PCLO: variants seen among roughly 807,000 people sequenced by gnomAD.
The protein encoded by PCLO is piccolo presynaptic cytomatrix protein, also known as protein piccolo.
PCLO carries 82 observed loss-of-function variants against 427.5 expected under a neutral mutation model. The ratio of observed to expected loss-of-function variants is 0.19; its 90% CI spans 0.16 to 0.23. The LOEUF (loss-of-function observed/expected upper bound fraction) is 0.23. Among genes scored for constraint, PCLO ranks in the 10% least tolerant of loss-of-function variants. PCLO has a pLI of 1.00. For synonymous variants in PCLO, 2,357 were observed against 2,155.4 expected (o/e 1.09, Z -2.59); for missense variants, 6,239 against 6,115.9 (o/e 1.02, Z -0.67).
intron 3 of PCLO, among the ~76,000 whole-genome samples, chr7:83,004,518 A>G (rs1219126864): frequency 1.3e-5 from 2 of 151,762 alleles, no homozygotes; most frequent in Admixed American, 1.3e-4. Flanking sequence ...GCAACTCAAG[A>G]TGGATTAAAG....
intron 2 of PCLO, among the ~76,000 whole-genome samples, chr7:83,144,395 T>TGCA (rs2116648208): frequency 6.6e-6 from 1 of 152,186 alleles, no homozygotes; most frequent in Non-Finnish European, 1.5e-5. Context: ...CACTCCAGCC[T>TGCA]GCACAACGAG....
At chr7:82,867,244 T>A (rs1247306346) in intron 10 of PCLO, among the ~76,000 whole-genome samples, 1 of 152,106 alleles carries the variant, frequency 6.6e-6, no homozygotes, top group Non-Finnish European at 1.5e-5. Flanking sequence ...CTACAAAAAA[T>A]TTAAAAGAAT....
At chr7:83,080,439 G>C (rs1345621397) in intron 3 of PCLO, among the ~76,000 whole-genome samples, 1 of 151,992 alleles carries the variant, frequency 6.6e-6, no homozygotes, top group Non-Finnish European at 1.5e-5. Context: ...ATGTCATTGT[G>C]GTTTCAATTT....
At chr7:82,868,355 C>T (rs1339719994) in intron 10 of PCLO, among the ~76,000 whole-genome samples, 1 of 152,108 alleles carries the variant, frequency 6.6e-6, no homozygotes, top group Non-Finnish European at 1.5e-5. Flanking sequence ...ATTCCAGAGG[C>T]CAACTTCTAA....
chr7:83,096,884 T>TA (rs1440595602), intron 3 of PCLO, among the ~76,000 whole-genome samples: 1 of 53,716 alleles, frequency 1.9e-5, no homozygotes, highest in African/African-American at 9.1e-5. Flanking sequence ...TATAAATATA[T>TA]TATATAATAT....
At chr7:82,788,339 A>C (rs543616326) in intron 22 of PCLO, among the ~76,000 whole-genome samples, 1 of 149,834 alleles carries the variant, frequency 6.7e-6, no homozygotes, top group Non-Finnish European at 1.5e-5. Context: ...AGCATTAATG[A>C]ATGAAATAAA....
chr7:82,945,169 A>G (rs1211828718), intron 6 of PCLO, among the ~76,000 whole-genome samples: 1 of 152,088 alleles, frequency 6.6e-6, no homozygotes, highest in East Asian at 1.9e-4. Context: ...ACAGGCGGTA[A>G]TGTTTTTCCA....
rs763719224 is a variant in PCLO, at chr7:82,915,978, C to T, written c.12008G>A (p.Gly4003Asp). 1 of 1,612,878 alleles carries T rather than the reference C, an allele frequency of 6.2e-7. No individual in the cohort carries two copies. The highest frequency in any genetic ancestry group is 1.3e-5 in the African/African-American group (1 of 75,034). Residue 4003 changes from glycine to aspartate, a missense_variant, in exon 7 of 25, where the codon GGT becomes GAT. Around this residue, in one of 5 missense-constraint regions of PCLO, gnomAD observed 680 missense variants for 677.3 expected, o/e 1.00. Coordinates refer to ENST00000333891, the MANE Select transcript of PCLO (RefSeq NM_033026.6). ...TDNTFAVSHL[G>D]SKYNSLDLRI... ...CAAGTCTAAACTATTGTACTTACTA[C>T]CAAGATGGGAAACAGCAAATGTGTT...
At position 82,822,608 on chromosome 7, in the gene PCLO, T is replaced by C. The variant is rs758598898; in HGVS notation, c.14678A>G (p.His4893Arg). 6.2e-6 allele frequency: 10 copies of C among 1,613,664 alleles called. No homozygotes were observed. In the Admixed American group the frequency reaches 1.0e-4, roughly 16 times the overall value. Residue 4893 changes from histidine to arginine, a missense_variant, in exon 20 of 25, where the codon CAT (histidine) becomes CGT (arginine). Around this residue, in one of 5 missense-constraint regions of PCLO, gnomAD observed 877 missense variants for 925.5 expected, o/e 0.95. Coordinates refer to ENST00000333891, the MANE Select transcript of PCLO (RefSeq NM_033026.6). Reference protein sequence around the residue: ...KSSSEGHLRSHGPSRSQSKTS... With the variant: ...KSSSEGHLRSRGPSRSQSKTS... Reference sequence around the variant, plus strand: ...TTTGCTTTGACTGCGAGATGGTCCATGAGAACGGAGATGGCCTTCTGATGA... The same window carrying C: ...TTTGCTTTGACTGCGAGATGGTCCACGAGAACGGAGATGGCCTTCTGATGA...
At chr7:82,767,859 A>G (rs1288118824) in intron 22 of PCLO, among the ~76,000 whole-genome samples, 1 of 152,098 alleles carries the variant, frequency 6.6e-6, no homozygotes, top group Non-Finnish European at 1.5e-5. Context: ...TTCAGGAGAA[A>G]AAGAAATAAG....
At chr7:83,107,729 G>A (rs1584034071) in intron 3 of PCLO, among the ~76,000 whole-genome samples, 3 of 151,070 alleles carry the variant, frequency 2.0e-5, no homozygotes, top group South Asian at 2.1e-4. Flanking sequence ...GGTGGCTCAC[G>A]CCTATAATCC....
intron 9 of PCLO, among the ~76,000 whole-genome samples, chr7:82,881,984 A>G (rs1329586293): frequency 1.3e-5 from 2 of 152,130 alleles, no homozygotes; most frequent in South Asian, 2.1e-4. Flanking sequence ...GCATAAGAAG[A>G]TCAAGAAATT....
chr7:82,984,922 T>C (rs938977603), intron 3 of PCLO, among the ~76,000 whole-genome samples: 2 of 152,044 alleles, frequency 1.3e-5, no homozygotes, highest in African/African-American at 4.8e-5. Context: ...GAAATATTCT[T>C]AGAGTACTGC....
chr7:82,839,537 G>C (rs1792313841), intron 14 of PCLO, among the ~76,000 whole-genome samples: 1 of 151,994 alleles, frequency 6.6e-6, no homozygotes, highest in Non-Finnish European at 1.5e-5. Context: ...ATCTGGTACT[G>C]AAATACAGAA....
rs1418377091 is a variant in PCLO, at chr7:82,757,368, C to G, written c.*1207G>C. On this transcript the variant is annotated 3_prime_UTR_variant, in exon 25 of 25. Coordinates refer to ENST00000333891, the MANE Select transcript of PCLO (RefSeq NM_033026.6). ...ATCTCAGGTAAATGTTGACTTTTCACATATTTTCCCAACATTGATGAACTT... is the reference window on the plus strand; with the variant it reads ...ATCTCAGGTAAATGTTGACTTTTCAGATATTTTCCCAACATTGATGAACTT... 2 of 151,962 alleles carry G rather than the reference C, an allele frequency of 1.3e-5. No homozygotes were observed. The highest frequency in any genetic ancestry group is 4.8e-5 in the African/African-American group (2 of 41,404). 9.4% of individuals were successfully genotyped at this position (151,962 alleles called of 1,614,324 possible). A position where few individuals can be genotyped will look rare whatever the true frequency, so the allele number is the denominator to read the frequency against.
intron 14 of PCLO, among the ~76,000 whole-genome samples, chr7:82,839,010 G>A (rs1232513841): frequency 6.6e-6 from 1 of 151,894 alleles, no homozygotes; most frequent in African/African-American, 2.4e-5. Flanking sequence ...GCACAATTGT[G>A]GCTGAATACT....
At chr7:83,141,044 C>T (rs1474374222) in intron 2 of PCLO, among the ~76,000 whole-genome samples, 1 of 152,164 alleles carries the variant, frequency 6.6e-6, no homozygotes. Flanking sequence ...GTTAGGCAGA[C>T]AATCTCTGCA....
At chr7:83,009,259 C>T (rs888211805) in intron 3 of PCLO, among the ~76,000 whole-genome samples, 1 of 151,580 alleles carries the variant, frequency 6.6e-6, no homozygotes, top group Non-Finnish European at 1.5e-5. Flanking sequence ...TTCACTAGTA[C>T]CAAATGAACT....
At chr7:82,914,603 T>C in intron 7 of PCLO, 83 bp downstream of exon 7, 1 of 1,342,082 alleles carries the variant, frequency 7.5e-7, no homozygotes, top group Non-Finnish European at 1.0e-6. Flanking sequence ...GTAGGATACA[T>C]CTCTGGAGAA....
Sources: gnomAD v4.1 joint callset for allele counts (sites outside exome capture counted in the v4.1 genomes callset) on GRCh38, gnomAD v4.1.1 for gene constraint, gnomAD v4.1.1 regional missense constraint, MANE v1.5 for transcripts, NCBI Gene and HGNC (gene_info 2026-07-23, HGNC 2026-07-21) for gene names.